RFTN2: variants seen among roughly 807,000 people sequenced by gnomAD.
The protein encoded by RFTN2 is raftlin-2.
In RFTN2, 34 loss-of-function variants were observed where a neutral mutation model predicts 52.7. The ratio of observed to expected loss-of-function variants is 0.64; its 90% CI spans 0.49 to 0.86. RFTN2 has a LOEUF of 0.86. RFTN2 is among the 40% of genes least tolerant of loss of function. RFTN2 has a pLI of 0.00. For missense variants in RFTN2, 536 were observed against 600.1 expected (o/e 0.89, Z 1.12); for synonymous variants, 203 against 217.7 (o/e 0.93, Z 0.59).
At chr2:197,625,160 A>T (rs2088333684) in intron 5 of RFTN2, among the ~76,000 whole-genome samples, 1 of 152,054 alleles carries the variant, frequency 6.6e-6, no homozygotes, top group Admixed American at 6.6e-5. Flanking sequence ...ATTCTTTTCA[A>T]ATATATTCAT....
intron 2 of RFTN2, among the ~76,000 whole-genome samples, chr2:197,645,685 A>G (rs1366235204): frequency 6.6e-6 from 1 of 152,196 alleles, no homozygotes; most frequent in African/African-American, 2.4e-5. Context: ...CAAGAGGTCT[A>G]TCTAATTTGT....
rs114257726 is a variant in RFTN2 at position 197,578,809 on chromosome 2, C to G, written c.1234-6529G>C. On this transcript the variant is annotated intron_variant, in intron 8 of 8. Transcript: ENST00000295049. ...CCGTGATTCGGATTGGGGGACCACC[C>G]TTGGCAGATCAATCCCCTGTCCTCC... 3.7e-3 allele frequency among the ~76,000 whole-genome samples: 563 copies of G among 152,336 alleles called. 1 individual carries two copies. The highest frequency in any genetic ancestry group is 0.012 in the African/African-American group (510 of 41,562).
chr2:197,584,824 T>C (rs2087570429), intron 8 of RFTN2, among the ~76,000 whole-genome samples: 1 of 152,168 alleles, frequency 6.6e-6, no homozygotes, highest in African/African-American at 2.4e-5. Context: ...TAGGTGACTA[T>C]CTTCCAGTCC....
At chr2:197,580,288 G>T (rs968945295) in intron 8 of RFTN2, among the ~76,000 whole-genome samples, 1 of 152,178 alleles carries the variant, frequency 6.6e-6, no homozygotes, top group African/African-American at 2.4e-5. Flanking sequence ...TCTGCTGTGA[G>T]AGAAACCCCA....
At chr2:197,609,096 G>A (rs919701366) in intron 7 of RFTN2, among the ~76,000 whole-genome samples, 4 of 152,156 alleles carry the variant, frequency 2.6e-5, no homozygotes, top group African/African-American at 9.7e-5. Context: ...ATAAACATAT[G>A]TGTGCGTGTG....
intron 3 of RFTN2, among the ~76,000 whole-genome samples, chr2:197,635,631 A>G (rs1441749178): frequency 2.7e-5 from 4 of 148,382 alleles, no homozygotes; most frequent in African/African-American, 9.9e-5. Flanking sequence ...TAGATTCTGG[A>G]TATTAGCCCT....
chr2:197,629,892 G>A (rs528026258), intron 5 of RFTN2, among the ~76,000 whole-genome samples: 11 of 151,592 alleles, frequency 7.3e-5, no homozygotes, highest in African/African-American at 2.4e-4. Flanking sequence ...CCTGACTAAC[G>A]TTTGCATTTT....
At chr2:197,644,451 A>G (rs2088719524) in intron 2 of RFTN2, among the ~76,000 whole-genome samples, 179 bp from the exon 3 acceptor site, 1 of 152,248 alleles carries the variant, frequency 6.6e-6, no homozygotes, top group Admixed American at 6.5e-5. Flanking sequence ...AACTTCTATT[A>G]ATTCAAATTT....
intron 1 of RFTN2, among the ~76,000 whole-genome samples, chr2:197,664,800 T>C (rs564686284): frequency 1.4e-3 from 212 of 152,090 alleles, no homozygotes; most frequent in Non-Finnish European, 2.0e-3. Context: ...AAAATTTTGT[T>C]GAGACTCATT....
chr2:197,658,179 AT>A (rs11357712), intron 1 of RFTN2, among the ~76,000 whole-genome samples: 98,452 of 145,192 alleles, frequency 0.68, 33,328 homozygotes, highest in Middle Eastern at 0.84. Flanking sequence ...TTTAAAAAAT[AT>A]TTTTTTTTTT....
rs182686061 is a variant in RFTN2 at position 197,584,029 on chromosome 2, A to T, written c.1234-11749T>A. ...ATTTTCTTAATCCAGTCTATCATTG[A>T]TGGACATTCGGGTTGGTTCCACATC... On this transcript the variant is annotated intron_variant, in intron 8 of 8. Transcript: ENST00000295049. 3.0e-3 allele frequency among the ~76,000 whole-genome samples: 450 copies of T among 152,248 alleles called. 3 individuals are homozygous for T. The highest frequency in any genetic ancestry group is 0.01 in the African/African-American group (424 of 41,554).
At chr2:197,621,877 C>T (rs1295913754) in intron 5 of RFTN2, among the ~76,000 whole-genome samples, 1 of 152,106 alleles carries the variant, frequency 6.6e-6, no homozygotes, top group Non-Finnish European at 1.5e-5. Flanking sequence ...CTGAGACAGG[C>T]GGTAAACTAG....
At chr2:197,611,739 G>T (rs1198835625) in intron 7 of RFTN2, among the ~76,000 whole-genome samples, 1 of 152,046 alleles carries the variant, frequency 6.6e-6, no homozygotes, top group African/African-American at 2.4e-5. Context: ...GCTTTCTCTT[G>T]TGGGCATTTA....
In RFTN2 at chr2:197,646,668, T is replaced by C. The variant is rs1288508188; in HGVS notation, c.140-2A>G. On this transcript the variant is annotated splice_acceptor_variant, in intron 1 of 8. Transcript: ENST00000295049. LOFTEE classifies it high-confidence loss of function. ...TGATGACTTCTGGGTTTGATGAAGCTGAAATATCAAAAGCAAAGAGAAATT... is the reference window on the plus strand; with the variant it reads ...TGATGACTTCTGGGTTTGATGAAGCCGAAATATCAAAAGCAAAGAGAAATT... The C allele has an allele frequency of 6.2e-7, 1 of 1,606,036 alleles. No homozygotes were observed. The highest frequency in any genetic ancestry group is 8.5e-7 in the Non-Finnish European group (1 of 1,174,374).
At chr2:197,602,150 C>T (rs6745087) in intron 7 of RFTN2, among the ~76,000 whole-genome samples, 6,063 of 152,150 alleles carry the variant, frequency 0.04, 386 homozygotes, top group African/African-American at 0.14. Flanking sequence ...ACCGCAACCC[C>T]CACCTTGTGG....
intron 5 of RFTN2, among the ~76,000 whole-genome samples, chr2:197,622,391 A>G (rs1218370640): frequency 1.3e-5 from 2 of 151,964 alleles, no homozygotes; most frequent in Non-Finnish European, 2.9e-5. Flanking sequence ...TGCAACCTCT[A>G]CCTCCCCAGG....
chr2:197,660,461 C>A (rs1389864414), intron 1 of RFTN2, among the ~76,000 whole-genome samples: 1 of 151,970 alleles, frequency 6.6e-6, no homozygotes, highest in African/African-American at 2.4e-5. Flanking sequence ...AAAATTAATT[C>A]ATAGTATTTT....
At chr2:197,640,467 C>G (rs1195263996) in intron 3 of RFTN2, among the ~76,000 whole-genome samples, 2 of 141,148 alleles carry the variant, frequency 1.4e-5, no homozygotes, top group East Asian at 2.1e-4. Flanking sequence ...GTCCGAAAAG[C>G]GCAATATTCG....
rs2088172187 is a variant in RFTN2 at position 197,617,866 on chromosome 2, A to G, written c.984T>C (p.Ser328=). ...EGFFIYEEEG[S]GVPGSSRKGN... ...CTTTCCTACTAGAACCTGGAACTCC[A>G]GAACCTTCTTCTTCATAGATAAAAA... Residue 328 remains serine, a synonymous_variant, in exon 6 of 9, where the codon TCT becomes TCC. Coordinates refer to ENST00000295049, the MANE Select transcript of RFTN2 (RefSeq NM_144629.3). 1 of 1,609,350 alleles carries G rather than the reference A, an allele frequency of 6.2e-7. No homozygotes were observed. Among genetic ancestry groups the G allele is most frequent in the Non-Finnish European group, 8.5e-7 (1 of 1,176,562 alleles).
Sources: allele counts gnomAD v4.1 joint callset (sites outside exome capture counted in the v4.1 genomes callset), GRCh38; gene constraint gnomAD v4.1.1; transcripts MANE v1.5; gene names NCBI Gene and HGNC (gene_info 2026-07-23, HGNC 2026-07-21).